The following TNN variants were observed in gnomAD, a reference collection of about 807,000 sequenced individuals.
TNN encodes tenascin-N.
Under a neutral mutation model 134.4 loss-of-function variants are expected in TNN, and 122 were observed. The observed-to-expected ratio is 0.91, with a 90% CI of 0.78 to 1.06. The LOEUF is 1.06. Ranked by LOEUF, TNN falls within the 50% of genes least tolerant of loss-of-function variation. TNN has a pLI of 0.00. For synonymous variants in TNN, 710 were observed against 670.3 expected, an observed-to-expected ratio of 1.06 and a Z score of -0.91; for missense variants, 1,739 against 1,699.4, an observed-to-expected ratio of 1.02 and a Z score of -0.41.
In TNN at chr1:175,148,015, T is replaced by C. The variant is rs1358790477; in HGVS notation, c.*944T>C. Reference sequence around the variant, plus strand: ...TTTCTGTAGCAAAATCAGTGACCAATGAAGTAACTTAAATTCCTATTGAAG... The same window carrying C: ...TTTCTGTAGCAAAATCAGTGACCAACGAAGTAACTTAAATTCCTATTGAAG... On this transcript the variant is annotated 3_prime_UTR_variant, in exon 19 of 19. Transcript: ENST00000239462. The C allele has an allele frequency of 1.3e-5, 2 of 152,148 alleles. No individual in the cohort carries two copies. The highest frequency in any genetic ancestry group is 2.4e-5 in the African/African-American group (1 of 41,400). 9.4% of individuals were successfully genotyped at this position (152,148 alleles called of 1,614,324 possible). A position where few individuals can be genotyped will look rare whatever the true frequency, so the allele number is the denominator to read the frequency against.
At chr1:175,127,210 T>C in intron 13 of TNN, 125 bp downstream of exon 13, 1 of 1,163,934 alleles carries the variant, frequency 8.6e-7, no homozygotes, top group East Asian at 2.4e-5. Flanking sequence ...ACATTGCTGG[T>C]TGTACATCTG....
intron 9 of TNN, among the ~76,000 whole-genome samples, chr1:175,100,638 A>T (rs569617589): frequency 4.9e-4 from 75 of 152,270 alleles, no homozygotes; most frequent in African/African-American, 1.8e-3. Flanking sequence ...AATAGGACGT[A>T]TGAGCAAGTG....
chr1:175,122,021 C>T (rs1388092929), intron 11 of TNN, among the ~76,000 whole-genome samples: 3 of 152,020 alleles, frequency 2.0e-5, no homozygotes, highest in Non-Finnish European at 2.9e-5. Context: ...TATTGTGGAG[C>T]GATTAGCATC....
In TNN at chr1:175,094,376, G is replaced by A. The variant is rs756981505; in HGVS notation, c.1588+123G>A. ...TGTTTGCAGGAGTGGGGAGGAGGTT[G>A]CAAAACCAATTTTGATTTTCATAAT... is the stretch of plus-strand genomic sequence containing the variant. On this transcript the variant is annotated intron_variant, in intron 7 of 18. Coordinates refer to ENST00000239462, the MANE Select transcript of TNN (RefSeq NM_022093.2). 28 of 921,544 alleles carry A rather than the reference G, an allele frequency of 3.0e-5. No individual in the cohort carries two copies. The Admixed American group carries it at 6.6e-4, about 22-fold the overall frequency. 57.1% of individuals were successfully genotyped at this position (921,544 alleles called of 1,614,324 possible).
chr1:175,131,947 C>CACACACAT (rs1675684908), intron 15 of TNN, among the ~76,000 whole-genome samples: 1 of 151,824 alleles, frequency 6.6e-6, no homozygotes, highest in African/African-American at 2.4e-5. Flanking sequence ...CACACACACA[C>CACACACAT]ACACACACAT....
chr1:175,124,225 A>G (rs1675453448), intron 12 of TNN, among the ~76,000 whole-genome samples: 1 of 152,222 alleles, frequency 6.6e-6, no homozygotes, highest in South Asian at 2.1e-4. Context: ...CATTCCATCC[A>G]TGGCTGAGCG....
intron 1 of TNN, among the ~76,000 whole-genome samples, chr1:175,070,757 G>A (rs557287213): frequency 6.6e-6 from 1 of 152,320 alleles, no homozygotes; most frequent in Admixed American, 6.5e-5. Flanking sequence ...ATCTGAAGGA[G>A]AAAGAGATAC....
chr1:175,133,981 C>T (rs1418726396), intron 15 of TNN, among the ~76,000 whole-genome samples: 1 of 152,138 alleles, frequency 6.6e-6, no homozygotes, highest in African/African-American at 2.4e-5. Context: ...CCACCTACAG[C>T]CTTTTGGCTG....
chr1:175,087,109 G>A (rs957328279), intron 6 of TNN, among the ~76,000 whole-genome samples: 1 of 152,176 alleles, frequency 6.6e-6, no homozygotes, highest in Non-Finnish European at 1.5e-5. Context: ...AAACCAAAAA[G>A]TATCTGAGAT....
intron 11 of TNN, among the ~76,000 whole-genome samples, chr1:175,122,840 G>T (rs1307215348): frequency 6.6e-6 from 1 of 152,222 alleles, no homozygotes; most frequent in Non-Finnish European, 1.5e-5. Flanking sequence ...TGACAGAGAA[G>T]AAGAGATTGA....
intron 9 of TNN, among the ~76,000 whole-genome samples, chr1:175,101,087 T>C (rs1674709781): frequency 6.6e-6 from 1 of 152,196 alleles, no homozygotes; most frequent in African/African-American, 2.4e-5. Context: ...GTGTCCGGAA[T>C]TGGTGGGTTC....
At position 175,104,751 on chromosome 1, in the gene TNN, G is replaced by A. The variant is rs953973370; in HGVS notation, c.2119+6156G>A. On this transcript the variant is annotated intron_variant, in intron 9 of 18. Transcript: ENST00000239462. Reference sequence around the variant, plus strand: ...TTTCTCCTGATATCTGTGGCTGATTGGGTAATAAACTTATCTTTTAGAATC... The same window carrying A: ...TTTCTCCTGATATCTGTGGCTGATTAGGTAATAAACTTATCTTTTAGAATC... Among the ~76,000 whole-genome samples, 3 of 145,744 alleles carry A rather than the reference G, an allele frequency of 2.1e-5. 1 individual carries two copies. Among genetic ancestry groups the A allele is most frequent in the Non-Finnish European group, 4.6e-5 (3 of 65,734 alleles).
At chr1:175,068,147 T>G (rs184184467) in intron 1 of TNN, among the ~76,000 whole-genome samples, 1 of 152,296 alleles carries the variant, frequency 6.6e-6, no homozygotes, top group East Asian at 1.9e-4. Flanking sequence ...TATACTCCAG[T>G]CTCAGACAGG....
At chr1:175,073,999 G>T (rs977027328) in intron 1 of TNN, among the ~76,000 whole-genome samples, 47 of 152,114 alleles carry the variant, frequency 3.1e-4, no homozygotes, top group African/African-American at 1.1e-3. Flanking sequence ...CCTCGCCAAA[G>T]TCTGAGTTTC....
chr1:175,126,801 C>T (rs1371447588), intron 12 of TNN, among the ~76,000 whole-genome samples, 154 bp from the exon 13 acceptor site: 1 of 151,972 alleles, frequency 6.6e-6, no homozygotes, highest in Non-Finnish European at 1.5e-5. Context: ...TCAGAAAGGC[C>T]CTGTGGCAGG....
In TNN at chr1:175,123,508, C is replaced by A; in HGVS notation, c.2759C>A (p.Thr920Asn). Reference protein sequence around the residue: ...ATIDKYMVRYTSADGETREVP... With the variant: ...ATIDKYMVRYNSADGETREVP... ...ATTGACAAGTACATGGTGCGCTACA[C>A]CTCTGCTGACGGAGAGACCAGGGAG... Residue 920 changes from threonine to asparagine, a missense_variant, in exon 12 of 19, where the codon ACC (threonine) becomes AAC (asparagine). Transcript: ENST00000239462. 6.2e-7 allele frequency: 1 copy of A among 1,614,084 alleles called. No homozygotes were observed. The highest frequency in any genetic ancestry group is 8.5e-7 in the Non-Finnish European group (1 of 1,179,934).
At chr1:175,137,068 T>C in intron 17 of TNN, 80 bp downstream of exon 17, 1 of 1,424,804 alleles carries the variant, frequency 7.0e-7, no homozygotes, top group Non-Finnish European at 9.7e-7. Flanking sequence ...GCCACTGATC[T>C]GGGGGATGGA....
At chr1:175,145,552 C>CAAAAAAAAAAAAAAGAAA (rs1676042949) in intron 18 of TNN, among the ~76,000 whole-genome samples, 1 of 28,910 alleles carries the variant, frequency 3.5e-5, no homozygotes, top group Non-Finnish European at 6.0e-5. Context: ...GACCCTGTCT[C>CAAAAAAAAAAAAAAGAAA]AAAAAAAAAA....
chr1:175,110,806 C>T (rs1283250107), intron 9 of TNN, among the ~76,000 whole-genome samples: 2 of 152,186 alleles, frequency 1.3e-5, no homozygotes, highest in African/African-American at 4.8e-5. Context: ...CATGTGATGC[C>T]TCCAGCTTTG....
Sources: allele counts gnomAD v4.1 joint callset (sites outside exome capture counted in the v4.1 genomes callset), GRCh38; gene constraint gnomAD v4.1.1; transcripts MANE v1.5; gene names NCBI Gene and HGNC (gene_info 2026-07-23, HGNC 2026-07-21).